The following CYFIP1 variants were observed in gnomAD, a reference collection of about 807,000 sequenced individuals.
The protein encoded by CYFIP1 is cytoplasmic FMR1-interacting protein 1.
Under a neutral mutation model 163.5 loss-of-function variants are expected in CYFIP1, and 58 were observed. That is an observed-to-expected ratio of 0.35 (90% CI 0.29 to 0.44). The LOEUF is 0.44. CYFIP1 is among the 20% of genes least tolerant of loss of function. The pLI is 1.00. For missense variants in CYFIP1, 1,338 were observed against 1,653.8 expected (o/e 0.81, Z 3.31); for synonymous variants, 663 against 660.7 (o/e 1.00, Z -0.05).
intron 10 of CYFIP1, among the ~76,000 whole-genome samples, chr15:22,932,706 G>A (rs1042349539): frequency 5.9e-5 from 9 of 152,196 alleles, no homozygotes; most frequent in African/African-American, 1.9e-4. Flanking sequence ...GCAGTGGGGA[G>A]GAGTGCCTGC....
chr15:22,961,941 T>C (rs776952306), intron 1 of CYFIP1, among the ~76,000 whole-genome samples: 4 of 152,186 alleles, frequency 2.6e-5, no homozygotes, highest in Non-Finnish European at 5.9e-5. Context: ...GAATTTCCTG[T>C]TTCACTTCTA....
chr15:22,972,869 C>G (rs2063147254), intron 1 of CYFIP1, among the ~76,000 whole-genome samples: 1 of 152,184 alleles, frequency 6.6e-6, no homozygotes, highest in South Asian at 2.1e-4. Flanking sequence ...TAGGCGGTGG[C>G]TCACACCTGT....
chr15:22,928,215 ACTGAAAAAT>A (rs2061419920), intron 11 of CYFIP1, among the ~76,000 whole-genome samples, 187 bp from the exon 12 acceptor site: 1 of 152,092 alleles, frequency 6.6e-6, no homozygotes, highest in Non-Finnish European at 1.5e-5. Flanking sequence ...CCCCGTCTCT[ACTGAAAAAT>A]ACAAAAAAAT....
chr15:22,937,104 C>T lies in CYFIP1; in HGVS notation c.900G>A (p.Lys300=). ...ATTGATCTAAAAACATGTAACTCAC[C>T]TTGAAGTACTTGTCGATTTTGGATA... The part of the protein sequence containing the change: ...INLSKIDKYF[K]QLQVVPLFGD... Residue 300 remains lysine (K), a splice_region_variant and synonymous_variant, in exon 9 of 31, where the codon AAG becomes AAA. Coordinates refer to ENST00000617928, the MANE Select transcript of CYFIP1 (RefSeq NM_014608.6). 3 of 1,587,482 alleles carry T rather than the reference C, an allele frequency of 1.9e-6. No homozygotes were observed. Among genetic ancestry groups the T allele is most frequent in the Non-Finnish European group, 2.6e-6 (3 of 1,155,890 alleles).
At position 22,884,839 on chromosome 15, in the gene CYFIP1, G is replaced by A. The variant is rs142043035; in HGVS notation, c.2677-1828C>T. ...TGAAATCTAGGTGGTCCAACACCAC[G>A]CGGAAGCCACCAAGGCTTGGGGCTT... On this transcript the variant is annotated intron_variant, in intron 23 of 30. Coordinates refer to ENST00000617928, the MANE Select transcript of CYFIP1 (RefSeq NM_014608.6). Among the ~76,000 whole-genome samples, 32 of 152,120 alleles carry A rather than the reference G, an allele frequency of 2.1e-4. No individual in the cohort carries two copies. The East Asian group carries it at 5.0e-3, about 24-fold the overall frequency.
upstream of CYFIP1, chr15:22,980,869 C>T (rs570173755): frequency 6.6e-6 from 1 of 152,288 alleles, no homozygotes; most frequent in African/African-American, 2.4e-5. Context: ...GGGGACCCCC[C>T]CGGCCGGCCC....
In CYFIP1 at chr15:22,870,046, C is replaced by G. The variant is rs2059381153; in HGVS notation, c.3744G>C (p.Gln1248His). The G allele has an allele frequency of 6.2e-7, 1 of 1,605,704 alleles. No individual in the cohort carries two copies. Residue 1248 changes from glutamine (Q) to histidine (H), a missense_variant, in exon 31 of 31, where the codon CAG becomes CAC. Gln to His is a conservative substitution (Grantham distance 24, BLOSUM62 0). Coordinates refer to ENST00000617928, the MANE Select transcript of CYFIP1 (RefSeq NM_014608.6). ...HVRCFQPPIH[Q>H]SLASS ...CGTGCCCTCAGCTGCTGGCGAGGGA[C>G]TGGTGGATGGGCGGCTGGAAGCAGC...
chr15:22,968,125 G>C (rs1463877501), intron 1 of CYFIP1, among the ~76,000 whole-genome samples: 2 of 152,028 alleles, frequency 1.3e-5, no homozygotes, highest in Non-Finnish European at 2.9e-5. Context: ...GACACAGCGA[G>C]ACTCCATCTC....
intron 25 of CYFIP1, among the ~76,000 whole-genome samples, chr15:22,881,344 C>T (rs2059755677): frequency 6.6e-6 from 1 of 152,216 alleles, no homozygotes; most frequent in Non-Finnish European, 1.5e-5. Flanking sequence ...TTTTATGAGA[C>T]AATGCTTTCT....
At position 22,916,033 on chromosome 15, in the gene CYFIP1, G is replaced by A. The variant is rs541105547; in HGVS notation, c.1828+444C>T. ...TGATGAGAACACGGGACAGACACAC[G>A]GAGGGCAGAGAGCGCACCCACCGGT... On this transcript the variant is annotated intron_variant, in intron 16 of 30. Transcript: ENST00000617928. Among the ~76,000 whole-genome samples, 9 of 152,270 alleles carry A rather than the reference G, an allele frequency of 5.9e-5. No homozygotes were observed. In the South Asian group the frequency reaches 8.3e-4, roughly 14 times the overall value.
intron 22 of CYFIP1, among the ~76,000 whole-genome samples, chr15:22,898,153 G>C (rs543223641): frequency 6.6e-6 from 1 of 152,302 alleles, no homozygotes; most frequent in South Asian, 2.1e-4. Flanking sequence ...CAAAAGGTCC[G>C]AGTCTGAAAA....
chr15:22,900,574 T>C (rs1202190078), intron 22 of CYFIP1, among the ~76,000 whole-genome samples: 1 of 151,808 alleles, frequency 6.6e-6, no homozygotes, highest in African/African-American at 2.4e-5. Context: ...AATTTTTTTG[T>C]ATTGTTTTAG....
chr15:22,964,818 C>T (rs1257396666), intron 1 of CYFIP1, among the ~76,000 whole-genome samples: 2 of 152,296 alleles, frequency 1.3e-5, no homozygotes, highest in South Asian at 2.1e-4. Flanking sequence ...GATGCCAACC[C>T]CAGCCCCGTC....
intron 11 of CYFIP1, among the ~76,000 whole-genome samples, chr15:22,930,006 A>T (rs2061487913): frequency 6.6e-6 from 1 of 151,952 alleles, no homozygotes; most frequent in Admixed American, 6.6e-5. Flanking sequence ...GTCATTCACC[A>T]GGATGTTCAG....
At chr15:22,941,575 G>A (rs922920940) in intron 6 of CYFIP1, among the ~76,000 whole-genome samples, 2 of 152,102 alleles carry the variant, frequency 1.3e-5, no homozygotes, top group Non-Finnish European at 2.9e-5. Flanking sequence ...GGGAGGGGTG[G>A]GGGTGATGGT....
intron 1 of CYFIP1, among the ~76,000 whole-genome samples, chr15:22,974,359 TCCAGCC>T (rs1375010368): frequency 6.6e-6 from 1 of 152,034 alleles, no homozygotes; most frequent in Non-Finnish European, 1.5e-5. Context: ...GGAGGATTGC[TCCAGCC>T]CAGAAGTTCA....
At chr15:22,910,394 T>G in intron 20 of CYFIP1, 126 bp downstream of exon 20, 1 of 706,704 alleles carries the variant, frequency 1.4e-6, no homozygotes, top group Non-Finnish European at 2.4e-6. Context: ...ACTCCTAACC[T>G]CAGGTGATCC....
intron 1 of CYFIP1, among the ~76,000 whole-genome samples, chr15:22,974,951 CA>C (rs142825440): frequency 0.074 from 11,306 of 151,976 alleles, 565 homozygotes; most frequent in Non-Finnish European, 0.11. Context: ...CCCAAGACAG[CA>C]AAACCAACCC....
chr15:22,933,969 T>A, intron 9 of CYFIP1, 76 bp from the exon 10 acceptor site: 1 of 979,296 alleles, frequency 1.0e-6, no homozygotes, highest in South Asian at 1.5e-5. Flanking sequence ...GGAAACTGAC[T>A]AATGCTAATA....
Sources: gnomAD v4.1 joint callset for allele counts (sites outside exome capture counted in the v4.1 genomes callset) on GRCh38, gnomAD v4.1.1 for gene constraint, MANE v1.5 for transcripts, NCBI Gene and HGNC (gene_info 2026-07-23, HGNC 2026-07-21) for gene names.